The following EEFSEC variants were observed in gnomAD, a reference collection of about 807,000 sequenced individuals.
EEFSEC encodes eukaryotic elongation factor, selenocysteine-tRNA specific, also known as selenocysteine-specific elongation factor.
EEFSEC carries 43 observed loss-of-function variants against 42.1 expected under a neutral mutation model. The observed-to-expected ratio is 1.02, with a 90% confidence interval of 0.80 to 1.32. EEFSEC has a LOEUF of 1.32. EEFSEC is among the 40% of genes most tolerant of loss of function. EEFSEC has a pLI of 0.00. For synonymous variants in EEFSEC, 354 were observed against 339.1 expected, an observed-to-expected ratio of 1.04 and a Z score of -0.48; for missense variants, 745 against 803.6, an observed-to-expected ratio of 0.93 and a Z score of 0.88.
At chr3:128,215,804 A>G (rs1009086960) in intron 1 of EEFSEC, among the ~76,000 whole-genome samples, 6 of 151,992 alleles carry the variant, frequency 3.9e-5, no homozygotes, top group Admixed American at 6.6e-5. Context: ...CTCCTGTGAG[A>G]TTGCAGAGCT....
At chr3:128,388,406 G>T (rs6765599) in intron 6 of EEFSEC, among the ~76,000 whole-genome samples, 3,469 of 152,298 alleles carry the variant, frequency 0.023, 127 homozygotes, top group African/African-American at 0.08. Flanking sequence ...CCAGGGTGGG[G>T]AACAGGGAAC....
At chr3:128,260,199 T>C (rs907827064) in intron 2 of EEFSEC, among the ~76,000 whole-genome samples, 2 of 152,170 alleles carry the variant, frequency 1.3e-5, no homozygotes, top group Non-Finnish European at 2.9e-5. Context: ...CCTCCACGAT[T>C]TCTCCTGAGA....
the EEFSEC span, among the ~76,000 whole-genome samples, chr3:128,420,594 C>A: frequency 3.9e-5 from 6 of 152,248 alleles, no homozygotes; most frequent in Non-Finnish European, 5.9e-5. Flanking sequence ...TTGACGAGCC[C>A]TCCACGTCCT....
chr3:128,238,561 G>GC (rs1360625123), intron 1 of EEFSEC, among the ~76,000 whole-genome samples: 1 of 152,200 alleles, frequency 6.6e-6, no homozygotes, highest in Non-Finnish European at 1.5e-5. Flanking sequence ...AGGCCAGAGT[G>GC]CAGTGGCATA....
At chr3:128,182,428 G>A (rs2065418233) in intron 1 of EEFSEC, among the ~76,000 whole-genome samples, 1 of 152,250 alleles carries the variant, frequency 6.6e-6, no homozygotes, top group Non-Finnish European at 1.5e-5. Context: ...TAATGTTAAA[G>A]GATATGCAGA....
intron 2 of EEFSEC, among the ~76,000 whole-genome samples, chr3:128,258,816 T>A (rs970369091): frequency 3.3e-5 from 5 of 152,206 alleles, no homozygotes; most frequent in Non-Finnish European, 5.9e-5. Context: ...GCTACAGGAC[T>A]TAAATATATG....
intron 1 of EEFSEC, among the ~76,000 whole-genome samples, chr3:128,215,933 C>T: frequency 6.6e-6 from 1 of 152,090 alleles, no homozygotes; most frequent in East Asian, 1.9e-4. Flanking sequence ...ACGCCTATCC[C>T]TGGAGCTGGG....
chr3:128,187,593 C>G (rs376466649), intron 1 of EEFSEC, among the ~76,000 whole-genome samples: 1 of 152,190 alleles, frequency 6.6e-6, no homozygotes, highest in Non-Finnish European at 1.5e-5. Flanking sequence ...CTGCTGAGAG[C>G]AGGACATTCT....
intron 4 of EEFSEC, among the ~76,000 whole-genome samples, chr3:128,297,816 T>G (rs566009003): frequency 1.5e-4 from 23 of 152,316 alleles, no homozygotes; most frequent in African/African-American, 4.8e-4. Context: ...CTCACCACAC[T>G]CCTAAATCTT....
At chr3:128,381,565 T>C (rs2067776522) in intron 6 of EEFSEC, among the ~76,000 whole-genome samples, 1 of 152,138 alleles carries the variant, frequency 6.6e-6, no homozygotes, top group Non-Finnish European at 1.5e-5. Flanking sequence ...CATTCATGCG[T>C]CAATCACCTC....
chr3:128,161,651 C>T (rs1198148834), intron 1 of EEFSEC, among the ~76,000 whole-genome samples: 1 of 152,188 alleles, frequency 6.6e-6, no homozygotes, highest in Non-Finnish European at 1.5e-5. Flanking sequence ...AGAGAACATT[C>T]TTTGTAAAAC....
intron 6 of EEFSEC, among the ~76,000 whole-genome samples, chr3:128,376,641 C>T (rs890147892): frequency 6.6e-6 from 1 of 152,152 alleles, no homozygotes; most frequent in Non-Finnish European, 1.5e-5. Context: ...TCCCCAGTAA[C>T]AGTGACCATC....
At chr3:128,274,380 A>G (rs187921275) in intron 4 of EEFSEC, among the ~76,000 whole-genome samples, 81 of 152,354 alleles carry the variant, frequency 5.3e-4, no homozygotes, top group African/African-American at 1.9e-3. Flanking sequence ...CGCAGTCACC[A>G]CAGGAAGCCT....
intron 1 of EEFSEC, among the ~76,000 whole-genome samples, chr3:128,201,238 T>A (rs886127015): frequency 6.6e-6 from 1 of 152,216 alleles, no homozygotes; most frequent in Non-Finnish European, 1.5e-5. Flanking sequence ...GGGTATGTCC[T>A]ATACTTTGGG....
intron 1 of EEFSEC, among the ~76,000 whole-genome samples, chr3:128,182,869 CACAGAGATCGGGGCGGGG>C (rs1321450186): frequency 2.9e-5 from 3 of 104,564 alleles, no homozygotes; most frequent in Admixed American, 1.2e-4. Context: ...TCCCACCAGC[CACAGAGATCGGGGCGGGG>C]GGGTGGGGTG....
rs147276111 is a variant in EEFSEC, at chr3:128,285,887, A to C, written c.786+21106A>C. On this transcript the variant is annotated intron_variant, in intron 4 of 6. Coordinates refer to ENST00000254730, the MANE Select transcript of EEFSEC (RefSeq NM_021937.5). ...TAGGCGTTTAACCATCATTCTTTAA[A>C]ACATTTTCAAATTTATGTGAAAAGA... Among the ~76,000 whole-genome samples, 208 of 152,304 alleles carry C rather than the reference A, an allele frequency of 1.4e-3. 1 individual carries two copies. Among genetic ancestry groups the C allele is most frequent in the African/African-American group, 4.9e-3 (203 of 41,556 alleles).
At chr3:128,249,396 CT>C (rs949604904) in intron 2 of EEFSEC, among the ~76,000 whole-genome samples, 22 of 152,260 alleles carry the variant, frequency 1.4e-4, no homozygotes, top group African/African-American at 4.8e-4. Context: ...ATTGCCCCCA[CT>C]TTTTCTTCCA....
Position 128,341,588 on chromosome 3 carries a change from C to T in EEFSEC, c.1142C>T (p.Ser381Phe), listed in dbSNP as rs775321881. 6.2e-7 allele frequency: 1 copy of T among 1,614,036 alleles called. No homozygotes were observed. The highest frequency in any genetic ancestry group is 2.2e-5 in the East Asian group (1 of 44,884). ...QEYLFQEQYL[S>F]KDLTPAVTDN... Reference sequence around the variant, plus strand: ...TACCTTTTCCAGGAGCAGTACCTGTCCAAGGATTTGACACCAGCAGTGACA... The same window carrying T: ...TACCTTTTCCAGGAGCAGTACCTGTTCAAGGATTTGACACCAGCAGTGACA... The change falls in exon 5 of 7, where the codon TCC becomes TTC. Residue 381 changes from serine to phenylalanine, a missense_variant. Coordinates refer to ENST00000254730, the MANE Select transcript of EEFSEC (RefSeq NM_021937.5).
intron 1 of EEFSEC, among the ~76,000 whole-genome samples, chr3:128,181,780 T>C (rs2065408360): frequency 6.6e-6 from 1 of 152,148 alleles, no homozygotes; most frequent in Admixed American, 6.5e-5. Flanking sequence ...TGTCAAGCCA[T>C]GTTTGTTTTT....
Sources: gnomAD v4.1 joint callset for allele counts (sites outside exome capture counted in the v4.1 genomes callset) on GRCh38, gnomAD v4.1.1 for gene constraint, MANE v1.5 for transcripts, NCBI Gene and HGNC (gene_info 2026-07-23, HGNC 2026-07-21) for gene names.